The following MICU2 variants were observed in gnomAD, a reference collection of about 807,000 sequenced individuals.
MICU2 encodes the protein mitochondrial calcium uptake 2.
MICU2 carries 64 observed loss-of-function variants against 60.4 expected under a neutral mutation model. The observed-to-expected ratio is 1.06, with a 90% CI of 0.87 to 1.31. The LOEUF (loss-of-function observed/expected upper bound fraction) is 1.31, where lower values mean the gene tolerates loss of function less well. Ranked by LOEUF, MICU2 falls within the 50% of genes most tolerant of loss-of-function variation. MICU2 has a pLI of 0.00. For missense variants in MICU2, 569 were observed against 531.0 expected, an observed-to-expected ratio of 1.07 and a Z score of -0.70; for synonymous variants, 201 against 175.0, an observed-to-expected ratio of 1.15 and a Z score of -1.17.
chr13:21,493,468 G>A (rs1404998299), intron 11 of MICU2, 115 bp from the exon 12 acceptor site: 14 of 667,174 alleles, frequency 2.1e-5, no homozygotes, highest in Non-Finnish European at 3.1e-5. Context: ...AATAGTTGAG[G>A]GTGAATTATG....
intron 1 of MICU2, among the ~76,000 whole-genome samples, chr13:21,589,227 T>C (rs531536236): frequency 6.6e-6 from 1 of 152,320 alleles, no homozygotes; most frequent in South Asian, 2.1e-4. Context: ...CTTTACAGGA[T>C]GGCTAGAAAA....
intron 9 of MICU2, among the ~76,000 whole-genome samples, chr13:21,500,918 G>C (rs531048256): frequency 7.9e-5 from 12 of 152,078 alleles, no homozygotes; most frequent in African/African-American, 2.7e-4. Context: ...TGCTTAGAAA[G>C]GTATATAACC....
At chr13:21,509,504 T>C (rs1468431728) in intron 8 of MICU2, among the ~76,000 whole-genome samples, 1 of 152,156 alleles carries the variant, frequency 6.6e-6, no homozygotes, top group Non-Finnish European at 1.5e-5. Flanking sequence ...AGAGACTACA[T>C]GAAGCAGAGC....
At chr13:21,530,907 A>G (rs1163457744) in intron 4 of MICU2, 9 of 758,762 alleles carry the variant, frequency 1.2e-5, no homozygotes, top group Middle Eastern at 2.8e-4. Flanking sequence ...GGGCTGATAT[A>G]GATCTAGTGC....
chr13:21,590,245 T>G (rs1251497696), intron 1 of MICU2, among the ~76,000 whole-genome samples: 2 of 152,212 alleles, frequency 1.3e-5, no homozygotes, highest in Non-Finnish European at 2.9e-5. Context: ...AGTGGAACTC[T>G]TAGCAGAAAC....
At chr13:21,595,556 T>C (rs1226854004) in intron 1 of MICU2, among the ~76,000 whole-genome samples, 3 of 152,270 alleles carry the variant, frequency 2.0e-5, no homozygotes, top group Non-Finnish European at 4.4e-5. Context: ...CCCACCAGGC[T>C]GCAGCTATGA....
chr13:21,564,817 C>A (rs1314598569), intron 2 of MICU2, among the ~76,000 whole-genome samples: 1 of 152,176 alleles, frequency 6.6e-6, no homozygotes, highest in African/African-American at 2.4e-5. Context: ...GAGAACCTGG[C>A]AGAGTTCCTC....
intron 2 of MICU2, among the ~76,000 whole-genome samples, chr13:21,551,946 C>T (rs975407835): frequency 6.6e-6 from 1 of 152,042 alleles, no homozygotes; most frequent in African/African-American, 2.4e-5. Context: ...TGGGTATATG[C>T]CCAGTAATGG....
chr13:21,561,017 AT>A (rs1314495759), intron 2 of MICU2, among the ~76,000 whole-genome samples: 1 of 152,182 alleles, frequency 6.6e-6, no homozygotes, highest in African/African-American at 2.4e-5. Flanking sequence ...GGTTGAAAAT[AT>A]TTTAAAATTT....
At chr13:21,586,239 T>G (rs1181613248) in intron 1 of MICU2, among the ~76,000 whole-genome samples, 1 of 152,236 alleles carries the variant, frequency 6.6e-6, no homozygotes, top group Non-Finnish European at 1.5e-5. Flanking sequence ...ATCTACTTTT[T>G]CAGAGCAGTT....
At chr13:21,548,905 G>GAAGAC (rs1887477951) in intron 2 of MICU2, among the ~76,000 whole-genome samples, 1 of 146,784 alleles carries the variant, frequency 6.8e-6, no homozygotes, top group South Asian at 2.2e-4. Flanking sequence ...GGGGAGGAGA[G>GAAGAC]AAGACAAGTT....
chr13:21,604,168 G>GA lies in MICU2; in HGVS notation c.-21_-20insT, dbSNP rs1566175980. 6.5e-7 allele frequency: 1 copy of GA among 1,536,456 alleles called. No individual in the cohort carries two copies. Among genetic ancestry groups the GA allele is most frequent in the South Asian group, 1.2e-5 (1 of 83,644 alleles). On this transcript the variant is annotated 5_prime_UTR_variant, in exon 1 of 12. Transcript: ENST00000382374. The stretch of plus-strand genomic sequence containing the variant: ...CGCCATCTTTGCGGAAGCGCAGCTA[G>GA]GCGGCGCTTCTCTCCCGGCGCCGCC...
intron 1 of MICU2, among the ~76,000 whole-genome samples, chr13:21,596,721 G>A (rs1593362041): frequency 6.6e-6 from 1 of 152,126 alleles, no homozygotes; most frequent in Non-Finnish European, 1.5e-5. Flanking sequence ...ACTATGCCCG[G>A]CCTCACATTC....
chr13:21,506,470 A>G (rs1886294755), intron 8 of MICU2, among the ~76,000 whole-genome samples: 1 of 152,144 alleles, frequency 6.6e-6, no homozygotes, highest in African/African-American at 2.4e-5. Context: ...CACATTTTCA[A>G]CTGGGTCCTT....
chr13:21,579,106 T>C (rs1284909684), intron 1 of MICU2, among the ~76,000 whole-genome samples: 1 of 152,182 alleles, frequency 6.6e-6, no homozygotes, highest in Non-Finnish European at 1.5e-5. Flanking sequence ...TAAGATAAAA[T>C]TCTGCTAATA....
Position 21,570,007 on chromosome 13 carries a change from T to TA in MICU2, c.211-3064dup, listed in dbSNP as rs572327199. 5.8e-3 allele frequency among the ~76,000 whole-genome samples: 889 copies of TA among 152,266 alleles called. 6 individuals carry two copies. The highest frequency in any genetic ancestry group is 9.7e-3 in the Non-Finnish European group (659 of 68,004). Reference sequence around the variant, plus strand: ...GGGTAATGGTAGTTGGGAAAGTTTTTATGAAAAGAATAGGATTTAAGCTAA... The same window carrying TA: ...GGGTAATGGTAGTTGGGAAAGTTTTTAATGAAAAGAATAGGATTTAAGCTAA... On this transcript the variant is annotated intron_variant, in intron 1 of 11. Coordinates refer to ENST00000382374, the MANE Select transcript of MICU2 (RefSeq NM_152726.3).
At chr13:21,595,251 G>A (rs2138074282) in intron 1 of MICU2, among the ~76,000 whole-genome samples, 1 of 152,314 alleles carries the variant, frequency 6.6e-6, no homozygotes, top group South Asian at 2.1e-4. Flanking sequence ...GCTGGACTCT[G>A]TAAACTCTTC....
At position 21,521,205 on chromosome 13, in the gene MICU2, G is replaced by A. The variant is rs1348612259; in HGVS notation, c.597+40C>T. On this transcript the variant is annotated intron_variant, in intron 6 of 11. Coordinates refer to ENST00000382374, the MANE Select transcript of MICU2 (RefSeq NM_152726.3). The stretch of plus-strand genomic sequence containing the variant: ...GTAAAATTATCACACAAACATCCAG[G>A]TATTTTATGATAAACCTAAAATAAT... 3.6e-6 allele frequency: 5 copies of A among 1,390,204 alleles called. No homozygotes were observed. The Admixed American group carries it at 6.0e-5, about 17-fold the overall frequency. 86.1% of individuals were successfully genotyped at this position (1,390,204 alleles called of 1,614,324 possible).
chr13:21,587,909 T>C (rs965897136), intron 1 of MICU2, among the ~76,000 whole-genome samples: 9 of 152,220 alleles, frequency 5.9e-5, no homozygotes, highest in African/African-American at 2.2e-4. Flanking sequence ...TTTTCTTTTT[T>C]GATAGATTCA....
Sources: allele counts gnomAD v4.1 joint callset (sites outside exome capture counted in the v4.1 genomes callset), GRCh38; gene constraint gnomAD v4.1.1; transcripts MANE v1.5; gene names NCBI Gene and HGNC (gene_info 2026-07-23, HGNC 2026-07-21).